The following FER1L6 variants were observed in gnomAD, a reference collection of about 807,000 sequenced individuals.
The protein encoded by FER1L6 is fer-1 like family member 6.
FER1L6 carries 177 observed loss-of-function variants against 219.2 expected under a neutral mutation model. That is an observed-to-expected ratio of 0.81 (90% CI 0.71 to 0.91). The LOEUF is 0.91. Among genes scored for constraint, FER1L6 ranks in the 40% least tolerant of loss-of-function variants. FER1L6 has a pLI of 0.00. For synonymous variants in FER1L6, 768 were observed against 824.3 expected, an observed-to-expected ratio of 0.93 and a Z score of 1.17; for missense variants, 2,153 against 2,259.9, an observed-to-expected ratio of 0.95 and a Z score of 0.96.
At chr8:123,940,050 C>G (rs1329055999) in intron 1 of FER1L6, among the ~76,000 whole-genome samples, 2 of 152,176 alleles carry the variant, frequency 1.3e-5, no homozygotes, top group East Asian at 3.9e-4. Context: ...TTCATCATTG[C>G]CCTGGATTTC....
At chr8:124,093,044 G>C (rs951213531) in intron 34 of FER1L6, among the ~76,000 whole-genome samples, 3 of 152,046 alleles carry the variant, frequency 2.0e-5, no homozygotes, top group East Asian at 3.9e-4. Context: ...GGCTGGTCTT[G>C]AACTCCTGAC....
intron 1 of FER1L6, among the ~76,000 whole-genome samples, chr8:123,857,361 T>C (rs1816666490): frequency 6.6e-6 from 1 of 152,018 alleles, no homozygotes; most frequent in Non-Finnish European, 1.5e-5. Flanking sequence ...TTTTTAAAAA[T>C]TAGCCAGACA....
rs145783334 is a variant in FER1L6, at chr8:123,985,080, C to G, written c.1411-988C>G. On this transcript the variant is annotated intron_variant, in intron 11 of 40. Coordinates refer to ENST00000522917, the MANE Select transcript of FER1L6 (RefSeq NM_001039112.2). The stretch of plus-strand genomic sequence containing the variant: ...ATTGTGTATTCCCTTGTGATGACTC[C>G]TGTCTTATGACTTGTTATAGTCTAG... The G allele has an allele frequency of 3.9e-3, 598 of 152,308 alleles. 5 individuals are homozygous for G. The highest frequency in any genetic ancestry group is 0.014 in the African/African-American group (584 of 41,564). The allele number at this position is 152,308 out of a possible 1,614,324, so 9.4% of individuals were successfully genotyped here.
chr8:124,102,637 G>A (rs971252056), intron 38 of FER1L6, among the ~76,000 whole-genome samples: 9 of 152,142 alleles, frequency 5.9e-5, no homozygotes, highest in Non-Finnish European at 1.0e-4. Flanking sequence ...GTGTTCCCTC[G>A]TTGGAAAAAC....
Position 124,082,352 on chromosome 8 carries a change from G to A in FER1L6, c.4285G>A (p.Asp1429Asn). The change falls in exon 33 of 41, where the codon GAC becomes AAC. Residue 1429 changes from aspartate to asparagine, a missense_variant. Asp to Asn is a conservative substitution (Grantham distance 23). Coordinates refer to ENST00000522917, the MANE Select transcript of FER1L6 (RefSeq NM_001039112.2). ...GCTCTCCATCCTGATCTATGACCAT[G>A]ACATGATTGGCACAGATGACCTTAT... is the stretch of plus-strand genomic sequence containing the variant. ...SLLSILIYDH[D>N]MIGTDDLIGE... The A allele has an allele frequency of 1.2e-6, 2 of 1,613,982 alleles. No homozygotes were observed. The highest frequency in any genetic ancestry group is 1.7e-6 in the Non-Finnish European group (2 of 1,179,894).
chr8:123,985,947 C>T, intron 11 of FER1L6, 121 bp from the exon 12 acceptor site: 2 of 625,512 alleles, frequency 3.2e-6, no homozygotes, highest in Non-Finnish European at 5.7e-6. Flanking sequence ...TGTGCCATTT[C>T]AGGCTGAAAC....
intron 33 of FER1L6, among the ~76,000 whole-genome samples, chr8:124,089,811 C>T (rs780147879): frequency 1.7e-4 from 26 of 152,124 alleles, no homozygotes; most frequent in Admixed American, 1.2e-3. Flanking sequence ...CTACTATCCA[C>T]GCAGTTTTGT....
intron 30 of FER1L6, among the ~76,000 whole-genome samples, chr8:124,070,875 G>C (rs533840285): frequency 1.3e-5 from 2 of 152,068 alleles, no homozygotes; most frequent in Non-Finnish European, 2.9e-5. Context: ...TCTCCCCTCC[G>C]GCATACCAAA....
At chr8:124,106,090 C>A (rs1040814405) in intron 39 of FER1L6, among the ~76,000 whole-genome samples, 7 of 152,138 alleles carry the variant, frequency 4.6e-5, no homozygotes, top group African/African-American at 1.7e-4. Context: ...GATGCCAGTA[C>A]AATTTTGTGA....
chr8:124,060,527 C>T, intron 23 of FER1L6, 21 bp from the exon 24 acceptor site: 1 of 1,612,496 alleles, frequency 6.2e-7, no homozygotes, highest in Non-Finnish European at 8.5e-7. Context: ...GTGGTGATGG[C>T]TCTGCTGGTC....
At chr8:123,876,874 G>A (rs528012457) in intron 1 of FER1L6, among the ~76,000 whole-genome samples, 1 of 152,342 alleles carries the variant, frequency 6.6e-6, no homozygotes, top group Non-Finnish European at 1.5e-5. Context: ...ACATTTGTGT[G>A]GGTGAAAGCT....
chr8:124,005,933 TG>T (rs1421525554), intron 13 of FER1L6, among the ~76,000 whole-genome samples: 6 of 152,256 alleles, frequency 3.9e-5, no homozygotes, highest in Non-Finnish European at 7.3e-5. Context: ...GAGCATTCCC[TG>T]AATTTTCTAA....
At chr8:124,000,264 T>C (rs548358873) in intron 12 of FER1L6, among the ~76,000 whole-genome samples, 1 of 152,336 alleles carries the variant, frequency 6.6e-6, no homozygotes, top group African/African-American at 2.4e-5. Flanking sequence ...GAAGAATGAA[T>C]CACCTTTAGG....
chr8:124,035,500 G>T (rs746566957), intron 19 of FER1L6, 46 bp downstream of exon 19: 7 of 1,563,988 alleles, frequency 4.5e-6, no homozygotes, highest in Non-Finnish European at 6.1e-6. Context: ...GTCTCAGGTG[G>T]GCTTCTGAAA....
At chr8:123,925,449 A>G (rs1459488057) in intron 1 of FER1L6, among the ~76,000 whole-genome samples, 1 of 152,194 alleles carries the variant, frequency 6.6e-6, no homozygotes, top group African/African-American at 2.4e-5. Flanking sequence ...GTCAGCTAAA[A>G]ATGATCACAC....
chr8:124,014,827 T>C (rs1818107982), intron 15 of FER1L6, among the ~76,000 whole-genome samples: 1 of 152,214 alleles, frequency 6.6e-6, no homozygotes, highest in Admixed American at 6.5e-5. Flanking sequence ...CTTAACATCA[T>C]AGTTATTATC....
chr8:124,055,895 A>G (rs1445093075), intron 22 of FER1L6, among the ~76,000 whole-genome samples: 13 of 152,118 alleles, frequency 8.5e-5, no homozygotes, highest in Admixed American at 8.5e-4. Context: ...GATGGCCTGC[A>G]TTCCTTGGCT....
At chr8:124,099,991 C>A (rs1822483422) in intron 37 of FER1L6, among the ~76,000 whole-genome samples, 1 of 152,172 alleles carries the variant, frequency 6.6e-6, no homozygotes, top group South Asian at 2.1e-4. Flanking sequence ...TCTCTGCTCC[C>A]TAACACTCCC....
chr8:124,036,942 G>A (rs1343260465), intron 19 of FER1L6, among the ~76,000 whole-genome samples: 1 of 152,190 alleles, frequency 6.6e-6, no homozygotes, highest in East Asian at 1.9e-4. Flanking sequence ...TGTAAGGCAT[G>A]GTGGAAAAAC....
Sources: gnomAD v4.1 joint callset for allele counts (sites outside exome capture counted in the v4.1 genomes callset) on GRCh38, gnomAD v4.1.1 for gene constraint, MANE v1.5 for transcripts, NCBI Gene and HGNC (gene_info 2026-07-23, HGNC 2026-07-21) for gene names.